The following CHST3 variants were observed in gnomAD, a reference collection of about 807,000 sequenced individuals.
CHST3 encodes the protein carbohydrate sulfotransferase 3, also known as C6ST-1.
Under a neutral mutation model 35.4 loss-of-function variants are expected in CHST3, and 20 were observed. That is an observed-to-expected ratio of 0.57 (90% confidence interval 0.40 to 0.82). The LOEUF is 0.82. Among genes scored for constraint, CHST3 ranks in the 40% least tolerant of loss-of-function variants. CHST3 has a pLI of 0.00. For synonymous variants in CHST3, 334 were observed against 295.9 expected (o/e 1.13, Z -1.32); for missense variants, 693 against 670.1 (o/e 1.03, Z -0.38).
intron 1 of CHST3, among the ~76,000 whole-genome samples, chr10:71,987,740 G>C (rs111345130): frequency 7.0e-6 from 1 of 142,436 alleles, no homozygotes; most frequent in Non-Finnish European, 1.5e-5. Context: ...AAAAGACAGA[G>C]GAAATAGAAG....
chr10:72,001,954 G>T (rs2131768075), intron 1 of CHST3, among the ~76,000 whole-genome samples: 1 of 152,290 alleles, frequency 6.6e-6, no homozygotes, highest in Admixed American at 6.5e-5. Flanking sequence ...CTTGTAAAGG[G>T]CCTCCTGCAT....
intron 1 of CHST3, among the ~76,000 whole-genome samples, chr10:72,002,972 T>C (rs1417093547): frequency 1.3e-5 from 2 of 152,038 alleles, no homozygotes; most frequent in African/African-American, 4.8e-5. Context: ...AGGAGCTAGG[T>C]TGGGGGTCCC....
intron 1 of CHST3, among the ~76,000 whole-genome samples, chr10:71,993,876 G>A (rs1839918251): frequency 6.6e-6 from 1 of 152,154 alleles, no homozygotes; most frequent in African/African-American, 2.4e-5. Context: ...GAGGTGGGTG[G>A]ATCACCTGAG....
chr10:72,000,118 CAT>C (rs4148957), intron 1 of CHST3, among the ~76,000 whole-genome samples: 12,948 of 152,272 alleles, frequency 0.085, 631 homozygotes, highest in Admixed American at 0.14. Flanking sequence ...CACAGCCACT[CAT>C]GTATGGAGCA....
At chr10:71,975,740 C>T (rs180804963) in intron 1 of CHST3, among the ~76,000 whole-genome samples, 443 of 152,370 alleles carry the variant, frequency 2.9e-3, no homozygotes, top group African/African-American at 8.9e-3. Flanking sequence ...TGTCTGTGGG[C>T]GCAGATGCCA....
chr10:72,005,599 G>A, intron 1 of CHST3, 137 bp from the exon 2 acceptor site: 2 of 579,294 alleles, frequency 3.5e-6, no homozygotes, highest in Non-Finnish European at 6.2e-6. Flanking sequence ...GTGTCTCTGG[G>A]GCACAGTCTG....
intron 1 of CHST3, among the ~76,000 whole-genome samples, chr10:71,988,096 G>C (rs1839865674): frequency 6.6e-6 from 1 of 152,100 alleles, no homozygotes; most frequent in Admixed American, 6.6e-5. Flanking sequence ...ACACATTTCT[G>C]GTCAAAAGGT....
At chr10:71,970,348 A>C (rs754711170) in intron 1 of CHST3, among the ~76,000 whole-genome samples, 4 of 152,148 alleles carry the variant, frequency 2.6e-5, no homozygotes, top group African/African-American at 9.7e-5. Context: ...AGAGGACTCT[A>C]TGAAAAGGAT....
At position 72,007,654 on chromosome 10, in the gene CHST3, C is replaced by T. The variant is rs1216327495; in HGVS notation, c.623C>T (p.Thr208Met). 4 of 1,609,204 alleles carry T rather than the reference C, an allele frequency of 2.5e-6. No homozygotes were observed. The highest frequency in any genetic ancestry group is 2.2e-5 in the East Asian group (1 of 44,826). ...CDLYVLEHFI[T>M]PLPEDHLTQF... ...CTGTACGTGCTGGAGCACTTCATCA[C>T]GCCGCTGCCCGAGGACCACCTGACT... The change falls in exon 3 of 3, where the codon ACG becomes ATG. Residue 208 changes from threonine (T) to methionine (M), a missense_variant. Physicochemically the swap from Thr to Met is moderately conservative, Grantham distance 81. Coordinates refer to ENST00000373115, the MANE Select transcript of CHST3 (RefSeq NM_004273.5).
intron 1 of CHST3, among the ~76,000 whole-genome samples, chr10:71,973,937 TA>T (rs1213835551): frequency 6.6e-6 from 1 of 152,190 alleles, no homozygotes; most frequent in Non-Finnish European, 1.5e-5. Flanking sequence ...GAGTTGTGGT[TA>T]CGCACACAGG....
rs530184252 is a variant in CHST3 at position 71,997,751 on chromosome 10, T to A, written c.-107-7985T>A. Among the ~76,000 whole-genome samples the A allele has an allele frequency of 1.3e-4, 17 of 131,684 alleles. No homozygotes were observed. In the South Asian group the frequency reaches 3.9e-3, roughly 30 times the overall value. The allele number at this position is 131,684 out of a possible 152,430, so 86.4% of individuals were successfully genotyped here. ...ATCTCGGCGCACTGCAACCTCCACC[T>A]CCCGGGTCCTCATTCAAGCATTTCT... On this transcript the variant is annotated intron_variant, in intron 1 of 2. Transcript: ENST00000373115.
At chr10:71,967,087 C>T (rs897378304) in intron 1 of CHST3, among the ~76,000 whole-genome samples, 5 of 152,158 alleles carry the variant, frequency 3.3e-5, no homozygotes, top group Admixed American at 6.5e-5. Context: ...ACCATAGCCT[C>T]GACCTCCTGG....
chr10:72,007,712 C>T lies in CHST3; in HGVS notation c.681C>T (p.Ser227=), dbSNP rs1840057937. The T allele has an allele frequency of 6.2e-7, 1 of 1,606,474 alleles. No individual in the cohort carries two copies. Among genetic ancestry groups the T allele is most frequent in the East Asian group, 2.2e-5 (1 of 44,856 alleles). ...TGTTCCGCCGGGGCTCCAGCCGCTCCCTGTGCGAGGACCCCGTCTGTACGC... is the reference window on the plus strand; with the variant it reads ...TGTTCCGCCGGGGCTCCAGCCGCTCTCTGTGCGAGGACCCCGTCTGTACGC... ...QFMFRRGSSR[S]LCEDPVCTPF... Residue 227 remains serine, a synonymous_variant, in exon 3 of 3, where the codon TCC becomes TCT. Coordinates refer to ENST00000373115, the MANE Select transcript of CHST3 (RefSeq NM_004273.5).
intron 1 of CHST3, among the ~76,000 whole-genome samples, chr10:71,993,171 TG>T (rs958143887): frequency 1.3e-5 from 2 of 152,188 alleles, no homozygotes; most frequent in African/African-American, 4.8e-5. Context: ...TCTTCCAGTG[TG>T]GCCCAGGAAA....
intron 1 of CHST3, among the ~76,000 whole-genome samples, chr10:71,978,241 G>A (rs1839765865): frequency 6.6e-6 from 1 of 152,134 alleles, no homozygotes; most frequent in Non-Finnish European, 1.5e-5. Context: ...GTGGCAGGCG[G>A]CTGTAATCCA....
chr10:71,982,201 T>C (rs2091332), intron 1 of CHST3, among the ~76,000 whole-genome samples: 78,379 of 152,026 alleles, frequency 0.52, 20,815 homozygotes, highest in Non-Finnish European at 0.58. Flanking sequence ...TAATCACAAG[T>C]GTCCTTATAA....
chr10:71,976,807 A>G (rs1483296512), intron 1 of CHST3, among the ~76,000 whole-genome samples: 1 of 152,244 alleles, frequency 6.6e-6, no homozygotes, highest in Non-Finnish European at 1.5e-5. Context: ...TACCCTCAAA[A>G]GAACTTTGCC....
Position 72,008,001 on chromosome 10 carries a change from T to G in CHST3, c.970T>G (p.Trp324Gly). 6.5e-7 allele frequency: 1 copy of G among 1,549,384 alleles called. No homozygotes were observed. The highest frequency in any genetic ancestry group is 8.7e-7 in the Non-Finnish European group (1 of 1,146,474). Residue 324 changes from tryptophan to glycine, a missense_variant, in exon 3 of 3, where the codon TGG (tryptophan) becomes GGG (glycine). By Grantham distance (184) the Trp-to-Gly change is radical (BLOSUM62 -2). Coordinates refer to ENST00000373115, the MANE Select transcript of CHST3 (RefSeq NM_004273.5). ...CGGCAAGTATAAGACCTGGAAGAAG[T>G]GGCTGGACGACGAGGGCCAGGACGG... ...FAGKYKTWKK[W>G]LDDEGQDGLR...
intron 1 of CHST3, among the ~76,000 whole-genome samples, chr10:72,003,625 CA>C (rs1227486909): frequency 6.7e-6 from 1 of 149,458 alleles, no homozygotes; most frequent in Non-Finnish European, 1.5e-5. Context: ...TACTTGAACC[CA>C]GGAGGCGGAG....
Sources: gnomAD v4.1 joint callset for allele counts (sites outside exome capture counted in the v4.1 genomes callset) on GRCh38, gnomAD v4.1.1 for gene constraint, MANE v1.5 for transcripts, NCBI Gene and HGNC (gene_info 2026-07-23, HGNC 2026-07-21) for gene names.